BAZ2B: variants seen among roughly 807,000 people sequenced by gnomAD.
BAZ2B encodes bromodomain adjacent to zinc finger domain 2B.
A neutral mutation model predicts 246.0 loss-of-function variants in BAZ2B; 91 were observed. That is an observed-to-expected ratio of 0.37 (90% CI 0.31 to 0.44). The LOEUF (loss-of-function observed/expected upper bound fraction) is 0.44. Among genes scored for constraint, BAZ2B ranks in the 20% least tolerant of loss-of-function variants. BAZ2B has a pLI of 1.00. For missense variants in BAZ2B, 2,332 were observed against 2,533.7 expected (o/e 0.92, Z 1.71); for synonymous variants, 855 against 860.0 (o/e 0.99, Z 0.10).
intron 1 of BAZ2B, among the ~76,000 whole-genome samples, chr2:159,598,610 G>A (rs1381228480): frequency 2.6e-5 from 4 of 151,856 alleles, no homozygotes; most frequent in African/African-American, 7.3e-5. Context: ...AACACTTTGG[G>A]AAGCCCAGGT....
chr2:159,628,940 C>G, the BAZ2B span, among the ~76,000 whole-genome samples: 12 of 152,110 alleles, frequency 7.9e-5, no homozygotes, highest in African/African-American at 2.9e-4. Context: ...AGCTAATATC[C>G]AGAATCTACA....
intron 1 of BAZ2B, among the ~76,000 whole-genome samples, chr2:159,598,624 T>C (rs1037892025): frequency 2.0e-5 from 3 of 151,700 alleles, no homozygotes; most frequent in Non-Finnish European, 4.4e-5. Context: ...CCCAGGTGGG[T>C]AGATTACAAG....
At chr2:159,712,317 T>C in the BAZ2B span, 1 of 152,074 alleles carries the variant, frequency 6.6e-6, no homozygotes, top group Non-Finnish European at 1.5e-5. Flanking sequence ...CGCTTACCAG[T>C]GGCGCCTCGC....
At chr2:159,548,923 T>C (rs550182786) in intron 2 of BAZ2B, among the ~76,000 whole-genome samples, 1 of 152,210 alleles carries the variant, frequency 6.6e-6, no homozygotes, top group African/African-American at 2.4e-5. Flanking sequence ...GTTTTTAGTT[T>C]ATAAATTCCT....
At chr2:159,696,407 T>A in the BAZ2B span, among the ~76,000 whole-genome samples, 1 of 152,210 alleles carries the variant, frequency 6.6e-6, no homozygotes, top group Non-Finnish European at 1.5e-5. Context: ...TTCTTAACTG[T>A]TTAGTTTTCA....
chr2:159,325,133 A>G (rs2063494021), intron 35 of BAZ2B, among the ~76,000 whole-genome samples, 179 bp from the exon 36 acceptor site: 1 of 40,994 alleles, frequency 2.4e-5, no homozygotes, highest in Non-Finnish European at 4.3e-5. Context: ...ATATATATAT[A>G]TATATATATA....
chr2:159,332,025 T>C (rs1226815685), intron 34 of BAZ2B, among the ~76,000 whole-genome samples: 3 of 152,140 alleles, frequency 2.0e-5, no homozygotes, highest in Non-Finnish European at 4.4e-5. Context: ...AGTGAGTTTA[T>C]GGAGAGGCGG....
In BAZ2B at chr2:159,590,200, A is replaced by C. The variant is rs80289299; in HGVS notation, c.-46+26042T>G. On this transcript the variant is annotated intron_variant, in intron 1 of 36. Coordinates refer to ENST00000392783, the MANE Select transcript of BAZ2B (RefSeq NM_013450.4). Reference sequence around the variant, plus strand: ...AAGACTCCATCTCAAAAAAAAAAAAAAAAAAAAAAAAAAAAAAAAAAAAAA... The same window carrying C: ...AAGACTCCATCTCAAAAAAAAAAAACAAAAAAAAAAAAAAAAAAAAAAAAA... Among the ~76,000 whole-genome samples, 102 of 28,680 alleles carry C rather than the reference A, an allele frequency of 3.6e-3. 2 individuals are homozygous for C. The highest frequency in any genetic ancestry group is 0.019 in the Middle Eastern group (1 of 52). The allele number at this position is 28,680 out of a possible 152,430, so 18.8% of individuals were successfully genotyped here.
chr2:159,576,533 A>T (rs1685337902), intron 1 of BAZ2B, among the ~76,000 whole-genome samples: 1 of 31,444 alleles, frequency 3.2e-5, no homozygotes. Flanking sequence ...CAAAGGTTTA[A>T]AAAAAAAAAA....
At chr2:159,684,868 G>T in the BAZ2B span, among the ~76,000 whole-genome samples, 4 of 152,032 alleles carry the variant, frequency 2.6e-5, no homozygotes, top group Admixed American at 6.6e-5. Context: ...ATATATCATA[G>T]ATCAAAAAGG....
the BAZ2B span, among the ~76,000 whole-genome samples, chr2:159,663,152 T>C: frequency 2.0e-5 from 3 of 152,078 alleles, no homozygotes; most frequent in South Asian, 2.1e-4. Context: ...AGTTTTAACA[T>C]TGGCAAAGTC....
intron 3 of BAZ2B, among the ~76,000 whole-genome samples, chr2:159,465,004 A>G (rs2076870035): frequency 6.6e-6 from 1 of 152,238 alleles, no homozygotes; most frequent in African/African-American, 2.4e-5. Flanking sequence ...CTTTGAAAGT[A>G]TAGACTGGGT....
chr2:159,564,279 G>T (rs571902814), intron 1 of BAZ2B, among the ~76,000 whole-genome samples: 1 of 152,140 alleles, frequency 6.6e-6, no homozygotes, highest in Non-Finnish European at 1.5e-5. Context: ...AGTAAGATAG[G>T]GGGTAGGAGA....
the BAZ2B span, among the ~76,000 whole-genome samples, chr2:159,658,790 A>G: frequency 6.6e-6 from 1 of 152,092 alleles, no homozygotes; most frequent in Non-Finnish European, 1.5e-5. Context: ...AAGTGGTCTG[A>G]TTACAGGCGT....
At chr2:159,602,484 T>C (rs1457677630) in intron 1 of BAZ2B, among the ~76,000 whole-genome samples, 1 of 152,202 alleles carries the variant, frequency 6.6e-6, no homozygotes, top group Non-Finnish European at 1.5e-5. Context: ...CTCAAAACAT[T>C]ACTTCCTAAT....
chr2:159,643,272 G>A, the BAZ2B span, among the ~76,000 whole-genome samples: 1 of 152,148 alleles, frequency 6.6e-6, no homozygotes, highest in African/African-American at 2.4e-5. Flanking sequence ...CAAGGTCATG[G>A]TAAGATTGGT....
At chr2:159,328,046 T>C (rs982558032) in intron 34 of BAZ2B, among the ~76,000 whole-genome samples, 17 of 122,616 alleles carry the variant, frequency 1.4e-4, no homozygotes, top group Admixed American at 5.4e-4. Context: ...GCTTGGGTGA[T>C]GGAATGAGAC....
chr2:159,506,891 A>G (rs773143565), intron 2 of BAZ2B, among the ~76,000 whole-genome samples: 3 of 152,196 alleles, frequency 2.0e-5, no homozygotes, highest in African/African-American at 4.8e-5. Context: ...CAAGCAAGAG[A>G]ATCTAACAAG....
chr2:159,657,668 T>A, the BAZ2B span, among the ~76,000 whole-genome samples: 3 of 152,228 alleles, frequency 2.0e-5, no homozygotes, highest in Non-Finnish European at 4.4e-5. Flanking sequence ...CATATAGTTC[T>A]GGTACATACT....
Sources: allele counts gnomAD v4.1 joint callset (sites outside exome capture counted in the v4.1 genomes callset), GRCh38; gene constraint gnomAD v4.1.1; transcripts MANE v1.5; gene names NCBI Gene and HGNC (gene_info 2026-07-23, HGNC 2026-07-21).